The following PCIF1 variants were observed in gnomAD, a reference collection of about 807,000 sequenced individuals.
The protein encoded by PCIF1 is mRNA (2'-O-methyladenosine-N(6)-)-methyltransferase.
Under a neutral mutation model 86.9 loss-of-function variants are expected in PCIF1, and 12 were observed. That is an observed-to-expected ratio of 0.14 (90% CI 0.09 to 0.22). The LOEUF (loss-of-function observed/expected upper bound fraction) is 0.22, where lower values mean the gene tolerates loss of function less well. PCIF1 is among the 10% of genes least tolerant of loss of function. The pLI is 1.00. For synonymous variants in PCIF1, 397 were observed against 372.0 expected (o/e 1.07, Z -0.77); for missense variants, 701 against 951.1 (o/e 0.74, Z 3.46).
At chr20:45,941,228 G>A in intron 7 of PCIF1, 21 bp downstream of exon 7, 1 of 1,571,888 alleles carries the variant, frequency 6.4e-7, no homozygotes, top group Middle Eastern at 2.1e-4. Flanking sequence ...CTGGGCTGCA[G>A]CCTCCTTTAT....
chr20:45,943,826 A>G lies in PCIF1; in HGVS notation c.1005+61A>G. The G allele has an allele frequency of 7.0e-7, 1 of 1,420,890 alleles. No individual in the cohort carries two copies. Among genetic ancestry groups the G allele is most frequent in the Non-Finnish European group, 9.7e-7 (1 of 1,033,750 alleles). The allele number at this position is 1,420,890 out of a possible 1,614,324, so 88.0% of individuals were successfully genotyped here. On this transcript the variant is annotated intron_variant, in intron 10 of 16. Transcript: ENST00000372409. This position sits in a 1 kb window ranked among gnomAD's most constrained non-coding sequence, Gnocchi z 5.5. The stretch of plus-strand genomic sequence containing the variant: ...GGCTCTGTGGCCACTTCCTCCAGGA[A>G]GCCTACTCTGCCTGTCCAGGCTGGG...
In PCIF1 at chr20:45,943,647, C is replaced by T; in HGVS notation, c.906-19C>T. The stretch of plus-strand genomic sequence containing the variant: ...GGAGCCAAGCCATTCCTTTCTTCTG[C>T]CCTCCCCTTGACTGGCAGGAGTGCA... On this transcript the variant is annotated intron_variant, in intron 9 of 16. Coordinates refer to ENST00000372409, the MANE Select transcript of PCIF1 (RefSeq NM_022104.4). The surrounding 1 kb of genome is among the most constrained non-coding windows in gnomAD (Gnocchi z 5.5). The T allele has an allele frequency of 1.9e-6, 3 of 1,551,018 alleles. No individual in the cohort carries two copies. The highest frequency in any genetic ancestry group is 1.2e-5 in the South Asian group (1 of 84,134).
intron 1 of PCIF1, among the ~76,000 whole-genome samples, chr20:45,935,311 C>A (rs978809946): frequency 1.3e-5 from 2 of 152,066 alleles, no homozygotes; most frequent in Non-Finnish European, 2.9e-5. Context: ...TGGTACATTG[C>A]GGAGATGGTC....
chr20:45,936,006 G>A (rs1401902877), intron 1 of PCIF1, among the ~76,000 whole-genome samples: 1 of 152,122 alleles, frequency 6.6e-6, no homozygotes, highest in African/African-American at 2.4e-5. Flanking sequence ...CAATAAAGGC[G>A]AACAAGATGT....
intron 1 of PCIF1, among the ~76,000 whole-genome samples, chr20:45,936,167 A>AT (rs2083423743): frequency 1.3e-5 from 2 of 151,668 alleles, no homozygotes; most frequent in African/African-American, 4.8e-5. Context: ...ACTTTATTTT[A>AT]TTTTTTATTT....
chr20:45,947,471 G>A lies in PCIF1; in HGVS notation c.1883+33G>A. 6.2e-7 allele frequency: 1 copy of A among 1,613,240 alleles called. No individual in the cohort carries two copies. Among genetic ancestry groups the A allele is most frequent in the Non-Finnish European group, 8.5e-7 (1 of 1,179,894 alleles). ...CCAGGGAGGGCAGGGGAAGGAGGCT[G>A]GGCTGGCCAGGCCAGGCCCAGCCCC... On this transcript the variant is annotated intron_variant, in intron 16 of 16. Coordinates refer to ENST00000372409, the MANE Select transcript of PCIF1 (RefSeq NM_022104.4). This position sits in a 1 kb window ranked among gnomAD's most constrained non-coding sequence, Gnocchi z 5.4.
intron 2 of PCIF1, 27 bp from the exon 3 acceptor site, chr20:45,938,954 G>A: frequency 6.2e-7 from 1 of 1,610,152 alleles, no homozygotes; most frequent in Non-Finnish European, 8.5e-7. Flanking sequence ...GGGTGGAGCT[G>A]ACACTCTTTG....
Position 45,943,388 on chromosome 20 carries a change from A to G in PCIF1, c.870A>G (p.Lys290=), listed in dbSNP as rs148089002. The G allele has an allele frequency of 5.4e-4, 868 of 1,613,986 alleles. 8 individuals carry two copies. In the African/African-American group the frequency reaches 9.9e-3, roughly 18 times the overall value. The change falls in exon 9 of 17, where the codon AAA becomes AAG. Residue 290 remains lysine (K), a synonymous_variant. Transcript: ENST00000372409. The surrounding 1 kb of genome is among the most constrained non-coding windows in gnomAD (Gnocchi z 5.5). ...AGGAAGCCAAGCGCCTGCTCTTTAAATATGCGGAGGCCGCCAGGCGGCTCA... is the reference window on the plus strand; with the variant it reads ...AGGAAGCCAAGCGCCTGCTCTTTAAGTATGCGGAGGCCGCCAGGCGGCTCA... ...FREEAKRLLF[K]YAEAARRLIE... is the part of the protein sequence containing the mutation.
At chr20:45,939,552 C>T (rs968829490) in intron 4 of PCIF1, among the ~76,000 whole-genome samples, 1 of 152,218 alleles carries the variant, frequency 6.6e-6, no homozygotes, top group Non-Finnish European at 1.5e-5. Context: ...GGCTGCTGCA[C>T]GGTGGGTGCT....
Position 45,945,529 on chromosome 20 carries a change from G to A in PCIF1, c.1169-182G>A, listed in dbSNP as rs188662646. Among the ~76,000 whole-genome samples the A allele has an allele frequency of 3.3e-3, 498 of 152,348 alleles. 5 individuals carry two copies. The highest frequency in any genetic ancestry group is 0.011 in the African/African-American group (470 of 41,578). ...GTGTTGACACAGGCCACCAGTTTCT[G>A]CCCCGGCCAGTTGCCTGGCTGGTTT... On this transcript the variant is annotated intron_variant, in intron 11 of 16. Transcript: ENST00000372409.
chr20:45,947,401 C>G lies in PCIF1; in HGVS notation c.1846C>G (p.His616Asp). Residue 616 changes from histidine (H) to aspartate (D), a missense_variant, in exon 16 of 17, where the codon CAT becomes GAT. His to Asp is a moderately conservative substitution (Grantham distance 81, BLOSUM62 -1). This residue lies in a region of PCIF1 where 174 missense variants were observed against 206.9 expected (regional missense o/e 0.84). Transcript: ENST00000372409. The surrounding 1 kb of genome is among the most constrained non-coding windows in gnomAD (Gnocchi z 5.4). ...RHQLILPAFE[H>D]EYRSGSQHIC... ...CCAGTTGATCCTGCCTGCCTTTGAG[C>G]ATGAGTACCGCAGTGGCTCCCAGCA... 6.2e-7 allele frequency: 1 copy of G among 1,614,008 alleles called. No individual in the cohort carries two copies. The highest frequency in any genetic ancestry group is 8.5e-7 in the Non-Finnish European group (1 of 1,180,020).
chr20:45,942,440 T>G (rs4810481), intron 7 of PCIF1, among the ~76,000 whole-genome samples: 134,941 of 151,750 alleles, frequency 0.89, 60,763 homozygotes, highest in Non-Finnish European at 0.95. Flanking sequence ...TCAGCCTCCT[T>G]AGTAGCTGGG....
chr20:45,936,201 G>A (rs2083424042), intron 1 of PCIF1, among the ~76,000 whole-genome samples: 1 of 152,054 alleles, frequency 6.6e-6, no homozygotes, highest in African/African-American at 2.4e-5. Context: ...TTGAGACGGA[G>A]TCTTGCTCTG....
intron 7 of PCIF1, among the ~76,000 whole-genome samples, chr20:45,942,021 G>C (rs1190872105): frequency 2.7e-5 from 4 of 147,824 alleles, no homozygotes; most frequent in South Asian, 4.3e-4. Context: ...TGTCGCCCAG[G>C]CTGGAGTGCA....
At position 45,943,812 on chromosome 20, in the gene PCIF1, C is replaced by A; in HGVS notation, c.1005+47C>A. 6.7e-7 allele frequency: 1 copy of A among 1,482,586 alleles called. No homozygotes were observed. Among genetic ancestry groups the A allele is most frequent in the Non-Finnish European group, 9.2e-7 (1 of 1,087,992 alleles). The allele number at this position is 1,482,586 out of a possible 1,614,324, so 91.8% of individuals were successfully genotyped here. On this transcript the variant is annotated intron_variant, in intron 10 of 16. Coordinates refer to ENST00000372409, the MANE Select transcript of PCIF1 (RefSeq NM_022104.4). The surrounding 1 kb of genome is among the most constrained non-coding windows in gnomAD (Gnocchi z 5.5). ...AAGGCCAGTTTTAGGGCTCTGTGGC[C>A]ACTTCCTCCAGGAAGCCTACTCTGC...
intron 1 of PCIF1, among the ~76,000 whole-genome samples, chr20:45,936,926 CAAAG>C (rs1466439402): frequency 6.6e-6 from 1 of 152,266 alleles, no homozygotes; most frequent in South Asian, 2.1e-4. Context: ...CACTCCGTCT[CAAAG>C]GAAACCAAAA....
chr20:45,947,358 G>T lies in PCIF1; in HGVS notation c.1803G>T (p.Gln601His). 6.2e-7 allele frequency: 1 copy of T among 1,614,020 alleles called. No homozygotes were observed. Among genetic ancestry groups the T allele is most frequent in the Non-Finnish European group, 8.5e-7 (1 of 1,180,024 alleles). The change falls in exon 16 of 17, where the codon CAG becomes CAT. Residue 601 changes from glutamine (Q) to histidine (H), a missense_variant. Gln to His is a conservative substitution (Grantham distance 24). Around this residue, in one of 7 missense-constraint regions of PCIF1, gnomAD observed 174 missense variants for 206.9 expected, o/e 0.84. Coordinates refer to ENST00000372409, the MANE Select transcript of PCIF1 (RefSeq NM_022104.4). The surrounding 1 kb of genome is among the most constrained non-coding windows in gnomAD (Gnocchi z 5.4). ...CACCAGCGCTCACCCGCATGGAGCA[G>T]AGCCGCTTCAAACGCCACCAGTTGA... is the stretch of plus-strand genomic sequence containing the variant. Reference protein sequence around the residue: ...PPTPALTRMEQSRFKRHQLIL... With the variant: ...PPTPALTRMEHSRFKRHQLIL...
chr20:45,945,986 G>A, intron 12 of PCIF1, 43 bp from the exon 13 acceptor site: 1 of 1,613,122 alleles, frequency 6.2e-7, no homozygotes. Flanking sequence ...GAGGACATGA[G>A]GGAGCACTGC....
At position 45,943,074 on chromosome 20, in the gene PCIF1, T is replaced by G; in HGVS notation, c.674-23T>G. The stretch of plus-strand genomic sequence containing the variant: ...GGACTGCTTGATTAAATCCAGGCCT[T>G]CAGCAGCTCTCCTGTCCTGCAGGCA... On this transcript the variant is annotated intron_variant, in intron 7 of 16. Transcript: ENST00000372409. The surrounding 1 kb of genome is among the most constrained non-coding windows in gnomAD (Gnocchi z 5.5). 1 of 1,609,848 alleles carries G rather than the reference T, an allele frequency of 6.2e-7. No homozygotes were observed. The highest frequency in any genetic ancestry group is 8.5e-7 in the Non-Finnish European group (1 of 1,177,462).
Sources: allele counts gnomAD v4.1 joint callset (sites outside exome capture counted in the v4.1 genomes callset), GRCh38; gene constraint gnomAD v4.1.1; regional missense constraint gnomAD v4.1.1; non-coding constraint Gnocchi (gnomAD v3.1); transcripts MANE v1.5; gene names NCBI Gene and HGNC (gene_info 2026-07-23, HGNC 2026-07-21).